The following PHKB variants were observed in gnomAD, a reference collection of about 807,000 sequenced individuals.
The protein encoded by PHKB is phosphorylase kinase regulatory subunit beta, also known as phosphorylase b kinase regulatory subunit beta.
PHKB carries 122 observed loss-of-function variants against 152.1 expected under a neutral mutation model. The observed-to-expected ratio is 0.80, with a 90% CI of 0.69 to 0.93. The LOEUF (loss-of-function observed/expected upper bound fraction) is 0.93, where lower values mean the gene tolerates loss of function less well. PHKB is among the 40% of genes least tolerant of loss of function. PHKB has a pLI of 0.00. For missense variants in PHKB, 1,304 were observed against 1,328.4 expected, an observed-to-expected ratio of 0.98 and a Z score of 0.29; for synonymous variants, 436 against 464.9, an observed-to-expected ratio of 0.94 and a Z score of 0.80.
chr16:47,517,800 T>G (rs1309064430), intron 6 of PHKB, among the ~76,000 whole-genome samples: 1 of 152,210 alleles, frequency 6.6e-6, no homozygotes, highest in Non-Finnish European at 1.5e-5. Flanking sequence ...CCTTATGGTT[T>G]TTATTTACTA....
Position 47,499,860 on chromosome 16 carries a change from G to C in PHKB, c.271G>C (p.Ala91Pro), listed in dbSNP as rs200339326. The change falls in exon 3 of 31, where the codon GCT (alanine) becomes CCT (proline). Residue 91 changes from alanine (A) to proline (P), a missense_variant. Coordinates refer to ENST00000323584, the MANE Select transcript of PHKB (RefSeq NM_000293.3). ...KAKIQDSLYC[A>P]AGAWALALAY... ...CAAGATCCAGGACAGCCTATACTGC[G>C]CTGCTGGGGCCTGGGCTTTGGCTCT... 3.1e-6 allele frequency: 5 copies of C among 1,614,032 alleles called. No homozygotes were observed. The Admixed American group carries it at 6.7e-5, about 22-fold the overall frequency.
chr16:47,566,265 T>C (rs1971565003), intron 7 of PHKB: 1 of 875,564 alleles, frequency 1.1e-6, no homozygotes, highest in Admixed American at 1.8e-5. Context: ...TCTAGGTGAG[T>C]AGTCATCAAA....
At chr16:47,689,015 T>C (rs1432021789) in intron 26 of PHKB, 26 bp from the exon 27 acceptor site, 1 of 1,613,402 alleles carries the variant, frequency 6.2e-7, no homozygotes, top group East Asian at 2.2e-5. Context: ...GAGTTATTGA[T>C]TCATGCTTCC....
At chr16:47,542,130 G>T (rs974109708) in intron 6 of PHKB, among the ~76,000 whole-genome samples, 2 of 152,088 alleles carry the variant, frequency 1.3e-5, no homozygotes, top group Non-Finnish European at 2.9e-5. Context: ...ATGGTTTTGG[G>T]TCTTATATTT....
chr16:47,635,775 A>G (rs943380069), intron 14 of PHKB, among the ~76,000 whole-genome samples: 1 of 152,244 alleles, frequency 6.6e-6, no homozygotes, highest in East Asian at 1.9e-4. Context: ...TCTGAATTCT[A>G]GCTCCGCTAG....
rs184256293 is a variant in PHKB at position 47,606,312 on chromosome 16, A to G, written c.1364-4514A>G. Among the ~76,000 whole-genome samples the G allele has an allele frequency of 1.4e-3, 207 of 152,284 alleles. 1 individual carries two copies. Among genetic ancestry groups the G allele is most frequent in the Admixed American group, 3.9e-3 (59 of 15,298 alleles). ...TAAAACTGCAAATAAATTTATAACC[A>G]TTGGTTCCTTGCTCTGTCATATTCA... On this transcript the variant is annotated intron_variant, in intron 13 of 30. Transcript: ENST00000323584.
intron 16 of PHKB, among the ~76,000 whole-genome samples, chr16:47,647,476 A>G (rs1973151842): frequency 6.6e-6 from 1 of 151,936 alleles, no homozygotes; most frequent in African/African-American, 2.4e-5. Flanking sequence ...AAATGTACAG[A>G]AAATGCATAG....
intron 25 of PHKB, among the ~76,000 whole-genome samples, chr16:47,667,103 A>G (rs1275286821): frequency 6.6e-6 from 1 of 152,056 alleles, no homozygotes; most frequent in Non-Finnish European, 1.5e-5. Context: ...GTTTCCTGTA[A>G]TATTTAATAA....
chr16:47,538,005 A>G (rs1970983839), intron 6 of PHKB, among the ~76,000 whole-genome samples: 3 of 151,220 alleles, frequency 2.0e-5, no homozygotes, highest in African/African-American at 7.3e-5. Flanking sequence ...CAATCTTCCC[A>G]CCTCAGCCTC....
Position 47,560,416 on chromosome 16 carries a change from C to T in PHKB, c.710+12868C>T, listed in dbSNP as rs111629859. Among the ~76,000 whole-genome samples the T allele has an allele frequency of 3.9e-4, 60 of 152,264 alleles. 1 individual carries two copies. In the South Asian group the frequency reaches 0.012, roughly 31 times the overall value. The stretch of plus-strand genomic sequence containing the variant: ...CAACTATCTTTGTTGCAGAAATTGA[C>T]GAGCTGATTATAAAATGCACAGGAA... On this transcript the variant is annotated intron_variant, in intron 7 of 30. Coordinates refer to ENST00000323584, the MANE Select transcript of PHKB (RefSeq NM_000293.3).
chr16:47,663,961 A>T, intron 24 of PHKB: 1 of 578,586 alleles, frequency 1.7e-6, no homozygotes, highest in Non-Finnish European at 3.1e-6. Flanking sequence ...CCTGAAGAGT[A>T]TTCGCTGGAA....
chr16:47,625,527 C>T (rs1018064815), intron 14 of PHKB, among the ~76,000 whole-genome samples: 1 of 152,038 alleles, frequency 6.6e-6, no homozygotes, highest in Non-Finnish European at 1.5e-5. Flanking sequence ...CAGGGTCTCT[C>T]CTCCTCAGGG....
At chr16:47,616,797 C>T (rs1309442539) in intron 14 of PHKB, among the ~76,000 whole-genome samples, 2 of 151,734 alleles carry the variant, frequency 1.3e-5, no homozygotes, top group African/African-American at 4.8e-5. Flanking sequence ...AATCAGGGAT[C>T]TCACTGCCTT....
Position 47,674,934 on chromosome 16 carries a change from G to C in PHKB, c.2630+5517G>C, listed in dbSNP as rs559824251. Among the ~76,000 whole-genome samples the C allele has an allele frequency of 8.0e-4, 122 of 152,324 alleles. No individual in the cohort carries two copies. The South Asian group carries it at 0.011, about 13-fold the overall frequency. On this transcript the variant is annotated intron_variant, in intron 26 of 30. Transcript: ENST00000323584. Reference sequence around the variant, plus strand: ...AGCTCTCTGGATAACACCAATTTGAGAGTTACAAGTGGAAAGCCTTGAATT... The same window carrying C: ...AGCTCTCTGGATAACACCAATTTGACAGTTACAAGTGGAAAGCCTTGAATT...
At chr16:47,670,701 G>A (rs1043248802) in intron 26 of PHKB, among the ~76,000 whole-genome samples, 1 of 152,012 alleles carries the variant, frequency 6.6e-6, no homozygotes, top group Admixed American at 6.6e-5. Context: ...TGTTGGCCAA[G>A]CTGGTCTTGA....
At chr16:47,602,820 C>T (rs1972255302) in intron 13 of PHKB, among the ~76,000 whole-genome samples, 1 of 152,088 alleles carries the variant, frequency 6.6e-6, no homozygotes, top group African/African-American at 2.4e-5. Context: ...TCATACTTTA[C>T]CATTCATCTA....
chr16:47,596,286 C>G, intron 12 of PHKB, 87 bp from the exon 13 acceptor site: 1 of 927,554 alleles, frequency 1.1e-6, no homozygotes, highest in Non-Finnish European at 1.7e-6. Context: ...ATAAATTACC[C>G]AGTCTTGGGT....
chr16:47,611,045 T>C (rs1444826137), intron 14 of PHKB, 125 bp downstream of exon 14: 14 of 710,568 alleles, frequency 2.0e-5, no homozygotes. Flanking sequence ...CTCCCTCTTC[T>C]GGTTAGTTAA....
At chr16:47,685,393 C>A (rs1973946096) in intron 26 of PHKB, among the ~76,000 whole-genome samples, 1 of 152,122 alleles carries the variant, frequency 6.6e-6, no homozygotes, top group South Asian at 2.1e-4. Flanking sequence ...CCATTGCACT[C>A]CAGCCTGGGT....
Sources: gnomAD v4.1 joint callset for allele counts (sites outside exome capture counted in the v4.1 genomes callset) on GRCh38, gnomAD v4.1.1 for gene constraint, MANE v1.5 for transcripts, NCBI Gene and HGNC (gene_info 2026-07-23, HGNC 2026-07-21) for gene names.